Variants in GPR107 observed in about 807,000 individuals in gnomAD.
GPR107 encodes G protein-coupled receptor 107.
GPR107 carries 31 observed loss-of-function variants against 75.5 expected under a neutral mutation model. The observed-to-expected ratio is 0.41, with a 90% CI of 0.31 to 0.55. The LOEUF (loss-of-function observed/expected upper bound fraction) is 0.55, where lower values mean the gene tolerates loss of function less well. GPR107 is among the 20% of genes least tolerant of loss of function. The probability of loss-of-function intolerance (pLI) is 0.26; values close to 1 mark genes in which losing one functional copy is unlikely to be tolerated. For synonymous variants in GPR107, 267 were observed against 251.3 expected (o/e 1.06, Z -0.59); for missense variants, 572 against 665.7 (o/e 0.86, Z 1.55).
intron 17 of GPR107, among the ~76,000 whole-genome samples, chr9:130,133,746 T>TAG (rs1831886571): frequency 6.6e-6 from 1 of 152,224 alleles, no homozygotes; most frequent in African/African-American, 2.4e-5. Flanking sequence ...TCTGGCCACA[T>TAG]ACCTTGTCCC....
chr9:130,113,271 G>C (rs1293950837), intron 14 of GPR107, among the ~76,000 whole-genome samples: 1 of 119,532 alleles, frequency 8.4e-6, no homozygotes, highest in Non-Finnish European at 1.7e-5. Context: ...TTTTTTCCTT[G>C]AGTCAGGCTG....
intron 12 of GPR107, 31 bp from the exon 13 acceptor site, chr9:130,104,389 T>G: frequency 6.2e-7 from 1 of 1,610,608 alleles, no homozygotes; most frequent in Non-Finnish European, 8.5e-7. Flanking sequence ...CACCCATGCT[T>G]TGGGGCCTCA....
chr9:130,054,172 C>A, intron 1 of GPR107, 99 bp downstream of exon 1: 1 of 1,148,480 alleles, frequency 8.7e-7, no homozygotes, highest in South Asian at 1.6e-5. Flanking sequence ...GCCACTGGAC[C>A]ACCTCTTTGC....
intron 7 of GPR107, among the ~76,000 whole-genome samples, chr9:130,088,867 G>A (rs565972196): frequency 6.6e-6 from 1 of 152,088 alleles, no homozygotes; most frequent in African/African-American, 2.4e-5. Context: ...TTAATAAAAT[G>A]AGTTTTTAAA....
In GPR107 at chr9:130,135,957, C is replaced by G. The variant is rs1055570970; in HGVS notation, c.*836C>G. 8 of 152,270 alleles carry G rather than the reference C, an allele frequency of 5.3e-5. No homozygotes were observed. Among genetic ancestry groups the G allele is most frequent in the Non-Finnish European group, 1.0e-4 (7 of 68,060 alleles). 9.4% of individuals were successfully genotyped at this position (152,270 alleles called of 1,614,324 possible). ...CCCTGACAGCCCAGAGCAGCACTGT[C>G]TGGCTTCCCTTCATGCTTGTGGCTT... is the stretch of plus-strand genomic sequence containing the variant. On this transcript the variant is annotated 3_prime_UTR_variant, in exon 18 of 18. Transcript: ENST00000347136.
At chr9:130,062,628 GCCTT>G (rs1342802779) in intron 1 of GPR107, among the ~76,000 whole-genome samples, 21 of 68,178 alleles carry the variant, frequency 3.1e-4, no homozygotes, top group Admixed American at 2.4e-3. Context: ...CTGCCTTCCT[GCCTT>G]CCTGCCTGCC....
chr9:130,086,581 T>C, intron 7 of GPR107, 105 bp downstream of exon 7: 1 of 736,438 alleles, frequency 1.4e-6, no homozygotes, highest in Non-Finnish European at 2.5e-6. Flanking sequence ...AACTTAGGTA[T>C]GCCCTGTATC....
chr9:130,101,271 C>T (rs575848390), intron 12 of GPR107, 48 bp downstream of exon 12: 6 of 994,074 alleles, frequency 6.0e-6, no homozygotes, highest in Non-Finnish European at 8.1e-6. Context: ...TGGCGCTTAG[C>T]AGGGCTCAGC....
chr9:130,130,168 C>T (rs879484270), intron 17 of GPR107: 6 of 152,240 alleles, frequency 3.9e-5, no homozygotes, highest in Non-Finnish European at 5.9e-5. Context: ...TCTCTTTCCC[C>T]TTCTGTTTCT....
chr9:130,088,756 A>G (rs1046697816), intron 7 of GPR107, among the ~76,000 whole-genome samples: 1 of 151,904 alleles, frequency 6.6e-6, no homozygotes, highest in Non-Finnish European at 1.5e-5. Flanking sequence ...CGTTTGTTTG[A>G]CTCCAAGGCC....
intron 14 of GPR107, among the ~76,000 whole-genome samples, chr9:130,113,155 A>G (rs1394522482): frequency 6.6e-6 from 1 of 152,174 alleles, no homozygotes; most frequent in African/African-American, 2.4e-5. Context: ...TTCAACAAAA[A>G]CAACTAATAG....
At chr9:130,079,318 C>T (rs988037596) in intron 4 of GPR107, among the ~76,000 whole-genome samples, 2 of 152,188 alleles carry the variant, frequency 1.3e-5, no homozygotes, top group Non-Finnish European at 1.5e-5. Context: ...TTCTCTTGTG[C>T]ACCAATTTGC....
At chr9:130,124,802 T>C (rs1208847180) in intron 14 of GPR107, 113 bp from the exon 15 acceptor site, 4 of 646,978 alleles carry the variant, frequency 6.2e-6, no homozygotes, top group Non-Finnish European at 2.7e-6. Flanking sequence ...TGCCTCTGAG[T>C]GGTCCTCATC....
intron 5 of GPR107, among the ~76,000 whole-genome samples, chr9:130,081,118 G>A (rs989635128): frequency 6.6e-6 from 1 of 152,154 alleles, no homozygotes; most frequent in African/African-American, 2.4e-5. Flanking sequence ...AGAGACTGAG[G>A]CAGGAGGATT....
intron 14 of GPR107, among the ~76,000 whole-genome samples, chr9:130,118,215 G>A (rs967152035): frequency 3.3e-5 from 5 of 152,212 alleles, no homozygotes; most frequent in African/African-American, 1.2e-4. Flanking sequence ...GAGGTGCCCA[G>A]CCCAGCTTCT....
intron 14 of GPR107, among the ~76,000 whole-genome samples, chr9:130,124,205 T>G (rs118041730): frequency 0.016 from 2,473 of 152,250 alleles, 28 homozygotes; most frequent in East Asian, 0.029. Flanking sequence ...TAAGCAAAAT[T>G]AATTTGCCTC....
intron 14 of GPR107, among the ~76,000 whole-genome samples, chr9:130,114,029 C>CTTTTTTTTTTTTTTTTTTTTA (rs60616601): frequency 1.1e-5 from 1 of 90,660 alleles, no homozygotes; most frequent in Non-Finnish European, 2.0e-5. Flanking sequence ...TCTTCTCATT[C>CTTTTTTTTTTTTTTTTTTTTA]TTTTTTTTTT....
At chr9:130,126,065 A>G (rs1249993700) in intron 15 of GPR107, among the ~76,000 whole-genome samples, 2 of 151,662 alleles carry the variant, frequency 1.3e-5, no homozygotes, top group East Asian at 3.9e-4. Context: ...TCAAAAAAAA[A>G]AAAAAAATTG....
At chr9:130,083,198 G>A (rs1366690571) in intron 5 of GPR107, 1 of 153,998 alleles carries the variant, frequency 6.5e-6, no homozygotes, top group Non-Finnish European at 1.4e-5. Context: ...TGGGATTGCA[G>A]GCATGAGCCA....
Sources: gnomAD v4.1 joint callset for allele counts (sites outside exome capture counted in the v4.1 genomes callset) on GRCh38, gnomAD v4.1.1 for gene constraint, MANE v1.5 for transcripts, NCBI Gene and HGNC (gene_info 2026-07-23, HGNC 2026-07-21) for gene names.